The following PIP4P2 variants were observed in gnomAD, a reference collection of about 807,000 sequenced individuals.
PIP4P2 encodes the protein phosphatidylinositol-4,5-bisphosphate 4-phosphatase 2.
PIP4P2 carries 19 observed loss-of-function variants against 33.3 expected under a neutral mutation model. The ratio of observed to expected loss-of-function variants is 0.57; its 90% confidence interval spans 0.40 to 0.84. PIP4P2 has a LOEUF of 0.84. Among genes scored for constraint, PIP4P2 ranks in the 40% least tolerant of loss-of-function variants. PIP4P2 has a pLI of 0.00. For synonymous variants in PIP4P2, 110 were observed against 111.9 expected, an observed-to-expected ratio of 0.98 and a Z score of 0.11; for missense variants, 270 against 324.7, an observed-to-expected ratio of 0.83 and a Z score of 1.29.
chr8:91,039,394 G>A (rs1483192616), intron 1 of PIP4P2, among the ~76,000 whole-genome samples: 4 of 152,102 alleles, frequency 2.6e-5, no homozygotes, highest in Non-Finnish European at 5.9e-5. Flanking sequence ...TTACAGCTAA[G>A]CATCTTTTTC....
intron 4 of PIP4P2, among the ~76,000 whole-genome samples, chr8:91,014,758 GACACAC>G (rs142952434): frequency 2.3e-3 from 332 of 142,742 alleles, no homozygotes; most frequent in East Asian, 7.1e-3. Flanking sequence ...TTACCACAAA[GACACAC>G]ACACACACAC....
At chr8:91,006,989 C>T (rs999137616) in intron 5 of PIP4P2, among the ~76,000 whole-genome samples, 1 of 151,970 alleles carries the variant, frequency 6.6e-6, no homozygotes, top group Non-Finnish European at 1.5e-5. Context: ...AAGTCTCTGC[C>T]TTTTCTTTTC....
At chr8:91,031,359 A>G (rs1563569111) in intron 1 of PIP4P2, among the ~76,000 whole-genome samples, 1 of 152,212 alleles carries the variant, frequency 6.6e-6, no homozygotes, top group Admixed American at 6.5e-5. Context: ...AAGTCTACTC[A>G]CTATCATTTC....
intron 4 of PIP4P2, among the ~76,000 whole-genome samples, chr8:91,013,426 A>C (rs1811866034): frequency 6.6e-6 from 1 of 152,216 alleles, no homozygotes; most frequent in Non-Finnish European, 1.5e-5. Flanking sequence ...GTTTGTTCAC[A>C]TATGAAAAAG....
At chr8:91,028,949 A>G (rs1433563598) in intron 1 of PIP4P2, among the ~76,000 whole-genome samples, 1 of 152,172 alleles carries the variant, frequency 6.6e-6, no homozygotes, top group Admixed American at 6.5e-5. Flanking sequence ...AATCCCTTAA[A>G]TTCTACTGTT....
At position 91,020,269 on chromosome 8, in the gene PIP4P2, T is replaced by C. The variant is rs1563566394; in HGVS notation, c.256-6A>G. 1 of 1,613,204 alleles carries C rather than the reference T, an allele frequency of 6.2e-7. No homozygotes were observed. Among genetic ancestry groups the C allele is most frequent in the Admixed American group, 1.7e-5 (1 of 59,900 alleles). ...GTTGGGGGGTTTTTGATTGGCTGGA[T>C]AAGGGAAGAAAATGCAAACACAGCA... On this transcript the variant is annotated splice_region_variant and splice_polypyrimidine_tract_variant and intron_variant, in intron 2 of 6. Transcript: ENST00000285419.
rs1811633389 is a variant in PIP4P2, at chr8:90,996,693, G to A, written c.591C>T (p.Thr197=). 2 of 1,610,158 alleles carry A rather than the reference G, an allele frequency of 1.2e-6. No individual in the cohort carries two copies. The highest frequency in any genetic ancestry group is 4.5e-5 in the East Asian group (2 of 44,756). Residue 197 remains threonine, a synonymous_variant, in exon 6 of 7, where the codon ACC becomes ACT. Coordinates refer to ENST00000285419, the MANE Select transcript of PIP4P2 (RefSeq NM_018710.3). ...CAATGAAAATACATATCATTCCAAT[G>A]GTAATATATGCACAGCAGCGTCTTC... ...LPRRRCCAYI[T]IGMICIFIGV... is the part of the protein sequence containing the mutation.
chr8:91,024,818 C>T (rs189023380), intron 1 of PIP4P2, among the ~76,000 whole-genome samples: 1 of 151,940 alleles, frequency 6.6e-6, no homozygotes, highest in Non-Finnish European at 1.5e-5. Context: ...ATTTGTTAGG[C>T]CAGTAGTCCT....
At chr8:91,007,586 A>G (rs1375296420) in intron 5 of PIP4P2, among the ~76,000 whole-genome samples, 1 of 152,216 alleles carries the variant, frequency 6.6e-6, no homozygotes, top group Admixed American at 6.5e-5. Context: ...ATTCACATAC[A>G]TAAGAGGATA....
At chr8:91,026,030 TA>T (rs1436852492) in intron 1 of PIP4P2, among the ~76,000 whole-genome samples, 3 of 152,148 alleles carry the variant, frequency 2.0e-5, no homozygotes, top group Admixed American at 2.0e-4. Context: ...ATATGCTAGT[TA>T]TCAGGTTACT....
intron 5 of PIP4P2, among the ~76,000 whole-genome samples, chr8:91,003,968 T>TAGATAGAC (rs1218945889): frequency 2.7e-5 from 4 of 150,668 alleles, no homozygotes; most frequent in African/African-American, 9.8e-5. Context: ...GATAGATAGA[T>TAGATAGAC]AGATAGATAG....
chr8:90,999,718 T>G (rs1050970891), intron 5 of PIP4P2, among the ~76,000 whole-genome samples: 1 of 152,112 alleles, frequency 6.6e-6, no homozygotes, highest in East Asian at 1.9e-4. Context: ...ATTTTAATGT[T>G]GGCTAGTGTT....
intron 4 of PIP4P2, among the ~76,000 whole-genome samples, chr8:91,017,073 G>A (rs976418070): frequency 3.9e-5 from 6 of 152,196 alleles, no homozygotes; most frequent in Non-Finnish European, 5.9e-5. Context: ...GAGTATGAAA[G>A]CAAGGAAAGG....
At chr8:91,030,580 A>C (rs1812149720) in intron 1 of PIP4P2, among the ~76,000 whole-genome samples, 1 of 152,222 alleles carries the variant, frequency 6.6e-6, no homozygotes, top group Non-Finnish European at 1.5e-5. Flanking sequence ...TGGCTCAAAA[A>C]TGAAAATCAT....
rs144788189 is a variant in PIP4P2, at chr8:91,003,283, T to C, written c.539+5460A>G. 1.4e-4 allele frequency among the ~76,000 whole-genome samples: 21 copies of C among 152,210 alleles called. No homozygotes were observed. In the East Asian group the frequency reaches 4.1e-3, roughly 29 times the overall value. On this transcript the variant is annotated intron_variant, in intron 5 of 6. Coordinates refer to ENST00000285419, the MANE Select transcript of PIP4P2 (RefSeq NM_018710.3). The stretch of plus-strand genomic sequence containing the variant: ...AATTGCAGTATTGGAGGTCAAGAGA[T>C]AAATTAGAAAACCAATGCAATAGTC...
Position 91,011,586 on chromosome 8 carries a change from A to T in PIP4P2, c.487-2791T>A, listed in dbSNP as rs76303124. 3.7e-3 allele frequency among the ~76,000 whole-genome samples: 558 copies of T among 152,166 alleles called. 3 individuals are homozygous for T. Among genetic ancestry groups the T allele is most frequent in the African/African-American group, 0.013 (531 of 41,568 alleles). On this transcript the variant is annotated intron_variant, in intron 4 of 6. Coordinates refer to ENST00000285419, the MANE Select transcript of PIP4P2 (RefSeq NM_018710.3). ...TGCTAAAACTGCTAAAGAATATCCT[A>T]TTTTAAATTCTGTTTAATTTTTTAA...
chr8:91,040,764 C>T lies in PIP4P2; in HGVS notation c.-15G>A, dbSNP rs1812295617. ...TCAGCAGCCATGACTGCGGCAGCGG[C>T]GGGGCCTGGGGAGGCCGAGCCGGGG... On this transcript the variant is annotated 5_prime_UTR_variant, in exon 1 of 7. Transcript: ENST00000285419. The T allele has an allele frequency of 1.9e-6, 3 of 1,610,658 alleles. No homozygotes were observed. Among genetic ancestry groups the T allele is most frequent in the Non-Finnish European group, 2.5e-6 (3 of 1,179,560 alleles).
chr8:91,013,228 C>T (rs973004760), intron 4 of PIP4P2, among the ~76,000 whole-genome samples: 21 of 152,226 alleles, frequency 1.4e-4, no homozygotes, highest in African/African-American at 5.1e-4. Context: ...GGTACACACA[C>T]TCAATATATA....
chr8:91,034,101 A>G (rs1812205184), intron 1 of PIP4P2, among the ~76,000 whole-genome samples: 2 of 150,974 alleles, frequency 1.3e-5, no homozygotes, highest in South Asian at 4.2e-4. Context: ...CATCTCAAAC[A>G]TTTGCCATCC....
Sources: allele counts gnomAD v4.1 joint callset (sites outside exome capture counted in the v4.1 genomes callset), GRCh38; gene constraint gnomAD v4.1.1; transcripts MANE v1.5; gene names NCBI Gene and HGNC (gene_info 2026-07-23, HGNC 2026-07-21).